Variants in LRMDA observed in about 807,000 individuals in gnomAD.
The protein encoded by LRMDA is leucine rich melanocyte differentiation associated.
A neutral mutation model predicts 29.8 loss-of-function variants in LRMDA; 18 were observed. That is an observed-to-expected ratio of 0.60 (90% CI 0.42 to 0.90). The LOEUF is 0.90. Among genes scored for constraint, LRMDA ranks in the 40% least tolerant of loss-of-function variants. The pLI, the probability that LRMDA is intolerant of heterozygous loss-of-function variation, is 0.00. For missense variants in LRMDA, 273 were observed against 273.9 expected (o/e 1.00, Z 0.02); for synonymous variants, 125 against 109.4 (o/e 1.14, Z -0.89).
At chr10:75,982,310 C>A (rs76592836) in intron 2 of LRMDA, among the ~76,000 whole-genome samples, 7 of 152,142 alleles carry the variant, frequency 4.6e-5, no homozygotes, top group Non-Finnish European at 8.8e-5. Flanking sequence ...TGGAAAGGGG[C>A]GATTCCCCCT....
intron 6 of LRMDA, among the ~76,000 whole-genome samples, chr10:76,460,062 G>C (rs913111203): frequency 1.3e-5 from 2 of 152,166 alleles, no homozygotes; most frequent in African/African-American, 4.8e-5. Context: ...CGTCAGTCTG[G>C]TGTTCAAAGC....
At chr10:76,067,893 A>C (rs1239873860) in intron 5 of LRMDA, among the ~76,000 whole-genome samples, 1 of 152,222 alleles carries the variant, frequency 6.6e-6, no homozygotes, top group Non-Finnish European at 1.5e-5. Flanking sequence ...TGTCTTCCTC[A>C]GAAAGACCCT....
At chr10:76,393,825 G>C (rs1841751813) in intron 6 of LRMDA, among the ~76,000 whole-genome samples, 1 of 152,138 alleles carries the variant, frequency 6.6e-6, no homozygotes, top group Admixed American at 6.5e-5. Flanking sequence ...TCCACTTTGA[G>C]TTGATTTTAT....
intron 5 of LRMDA, among the ~76,000 whole-genome samples, chr10:76,162,361 A>C (rs11001649): frequency 0.21 from 31,587 of 152,108 alleles, 3,550 homozygotes; most frequent in Middle Eastern, 0.31. Context: ...GAATTTGGGC[A>C]ATTTATTTAA....
At chr10:76,128,599 G>T (rs1290531744) in intron 5 of LRMDA, among the ~76,000 whole-genome samples, 2 of 152,176 alleles carry the variant, frequency 1.3e-5, no homozygotes, top group Non-Finnish European at 2.9e-5. Flanking sequence ...TTTACTGATG[G>T]AGATGATGGA....
chr10:75,531,783 A>T (rs570863592), intron 2 of LRMDA, among the ~76,000 whole-genome samples: 2 of 152,250 alleles, frequency 1.3e-5, no homozygotes, highest in African/African-American at 4.8e-5. Context: ...CTTAGAAAGT[A>T]ATCAGTGATG....
intron 2 of LRMDA, among the ~76,000 whole-genome samples, chr10:75,876,523 G>C (rs1013917567): frequency 6.6e-6 from 1 of 152,098 alleles, no homozygotes; most frequent in Non-Finnish European, 1.5e-5. Flanking sequence ...ACAAAACCCC[G>C]ACAAACACAC....
chr10:76,548,263 C>A (rs1388182954), intron 6 of LRMDA, among the ~76,000 whole-genome samples: 1 of 152,092 alleles, frequency 6.6e-6, no homozygotes, highest in African/African-American at 2.4e-5. Context: ...TCTTTAAATT[C>A]TTTCTCAGCT....
chr10:75,969,863 A>G (rs1013719056), intron 2 of LRMDA, among the ~76,000 whole-genome samples: 4 of 152,172 alleles, frequency 2.6e-5, no homozygotes, highest in Non-Finnish European at 4.4e-5. Context: ...TGGGATGGTG[A>G]TGGACTGGGG....
chr10:76,088,219 C>T (rs981214286), intron 5 of LRMDA, among the ~76,000 whole-genome samples: 13 of 152,128 alleles, frequency 8.5e-5, no homozygotes, highest in Non-Finnish European at 1.9e-4. Context: ...GTAATCTAGC[C>T]GAGGCTGGGT....
At position 76,058,731 on chromosome 10, in the gene LRMDA, A is replaced by G. The variant is rs201831799; in HGVS notation, c.464A>G (p.Glu155Gly). The stretch of plus-strand genomic sequence containing the variant: ...GATGCCCAGAAAGTAACCAGACAAG[A>G]ACGAGAGGAGGCGTTGGTCAGAGGA... ...FLDAQKVTRQ[E>G]REEALVRGVF... The change falls in exon 5 of 7, where the codon GAA (glutamate) becomes GGA (glycine). Residue 155 changes from glutamate to glycine, a missense_variant. Physicochemically the swap from Glu to Gly is moderately conservative, Grantham distance 98 (BLOSUM62 -2). Coordinates refer to ENST00000611255, the MANE Select transcript of LRMDA (RefSeq NM_001305581.2). 2 of 1,614,100 alleles carry G rather than the reference A, an allele frequency of 1.2e-6. No homozygotes were observed. Among genetic ancestry groups the G allele is most frequent in the Admixed American group, 3.3e-5 (2 of 60,018 alleles).
intron 5 of LRMDA, among the ~76,000 whole-genome samples, chr10:76,222,973 A>T (rs543610802): frequency 6.6e-6 from 1 of 152,104 alleles, no homozygotes; most frequent in Non-Finnish European, 1.5e-5. Flanking sequence ...GTAGGGACAT[A>T]GATGAAATTG....
intron 5 of LRMDA, among the ~76,000 whole-genome samples, chr10:76,212,485 A>G (rs1851654422): frequency 6.6e-6 from 1 of 152,148 alleles, no homozygotes; most frequent in Non-Finnish European, 1.5e-5. Flanking sequence ...GCCAAGGTAC[A>G]TCTGCTGAAC....
At chr10:75,489,172 T>C (rs1272822908) in intron 2 of LRMDA, among the ~76,000 whole-genome samples, 3 of 148,756 alleles carry the variant, frequency 2.0e-5, no homozygotes, top group East Asian at 2.0e-4. Flanking sequence ...CATCTCACTG[T>C]ACAGCAGTCA....
intron 5 of LRMDA, among the ~76,000 whole-genome samples, chr10:76,141,621 T>C (rs1336318178): frequency 6.6e-6 from 1 of 152,148 alleles, no homozygotes; most frequent in Non-Finnish European, 1.5e-5. Flanking sequence ...ATTCCAGCCA[T>C]TCCAAATTAG....
intron 2 of LRMDA, among the ~76,000 whole-genome samples, chr10:75,967,053 T>A (rs1425636696): frequency 2.6e-5 from 4 of 152,294 alleles, no homozygotes; most frequent in African/African-American, 9.6e-5. Flanking sequence ...TGAGCTCCCT[T>A]TAGACTGGGG....
chr10:76,228,226 T>A (rs2132269007), intron 5 of LRMDA, among the ~76,000 whole-genome samples: 1 of 152,210 alleles, frequency 6.6e-6, no homozygotes, highest in East Asian at 1.9e-4. Context: ...TTCACCATGT[T>A]GGCCAGGATG....
intron 2 of LRMDA, chr10:75,883,124 C>G (rs991425513): frequency 1.3e-5 from 2 of 152,240 alleles, no homozygotes; most frequent in Non-Finnish European, 2.9e-5. Flanking sequence ...CTCCAGTGCT[C>G]TCATTTTGAC....
intron 5 of LRMDA, among the ~76,000 whole-genome samples, chr10:76,269,697 G>A (rs1199194564): frequency 1.3e-5 from 2 of 152,296 alleles, no homozygotes; most frequent in African/African-American, 2.4e-5. Flanking sequence ...AACAATAATA[G>A]CAACACTACT....
Sources: allele counts gnomAD v4.1 joint callset (sites outside exome capture counted in the v4.1 genomes callset), GRCh38; gene constraint gnomAD v4.1.1; transcripts MANE v1.5; gene names NCBI Gene and HGNC (gene_info 2026-07-23, HGNC 2026-07-21).